The following ZFAT variants were observed in gnomAD, a reference collection of about 807,000 sequenced individuals.
ZFAT encodes the protein zinc finger protein ZFAT.
Under a neutral mutation model 117.7 loss-of-function variants are expected in ZFAT, and 64 were observed. That is an observed-to-expected ratio of 0.54 (90% confidence interval 0.44 to 0.67). The LOEUF is 0.67. Ranked by LOEUF, ZFAT falls within the 30% of genes least tolerant of loss-of-function variation. The pLI, the probability that ZFAT is intolerant of heterozygous loss-of-function variation, is 0.00. For synonymous variants in ZFAT, 679 were observed against 615.0 expected (o/e 1.10, Z -1.54); for missense variants, 1,433 against 1,584.5 (o/e 0.90, Z 1.62).
At chr8:134,701,758 A>G (rs1437274631) in intron 1 of ZFAT, among the ~76,000 whole-genome samples, 1 of 152,212 alleles carries the variant, frequency 6.6e-6, no homozygotes, top group African/African-American at 2.4e-5. Flanking sequence ...TTCATTGCCA[A>G]GTAGTATTCC....
At chr8:134,725,941 A>G in the ZFAT span, among the ~76,000 whole-genome samples, 1 of 152,162 alleles carries the variant, frequency 6.6e-6, no homozygotes, top group African/African-American at 2.4e-5. Context: ...CATTCATTCT[A>G]TCAATGAATT....
intron 1 of ZFAT, among the ~76,000 whole-genome samples, chr8:134,658,744 G>C (rs186023179): frequency 6.6e-6 from 1 of 152,288 alleles, no homozygotes; most frequent in African/African-American, 2.4e-5. Context: ...TTTACATTCA[G>C]ACTGAAAGGA....
At chr8:134,545,721 G>A (rs1230222244) in intron 11 of ZFAT, among the ~76,000 whole-genome samples, 4 of 152,166 alleles carry the variant, frequency 2.6e-5, no homozygotes, top group Non-Finnish European at 5.9e-5. Flanking sequence ...TTGAAGTCGG[G>A]ACAGTGGTGA....
the ZFAT span, among the ~76,000 whole-genome samples, chr8:134,823,842 GATTT>G: frequency 2.0e-5 from 3 of 152,198 alleles, no homozygotes; most frequent in East Asian, 3.9e-4. Context: ...AAATATTTTG[GATTT>G]ATTATACTTC....
intron 8 of ZFAT, 66 bp from the exon 9 acceptor site, chr8:134,588,461 C>G: frequency 6.7e-7 from 1 of 1,483,310 alleles, no homozygotes; most frequent in Middle Eastern, 1.8e-4. Flanking sequence ...ATAAATAAAC[C>G]TCATTGCTAA....
At chr8:134,697,856 C>G (rs1833910797) in intron 1 of ZFAT, among the ~76,000 whole-genome samples, 1 of 147,090 alleles carries the variant, frequency 6.8e-6, no homozygotes, top group Non-Finnish European at 1.5e-5. Context: ...GCTGGGATTA[C>G]AGGCGTGAGC....
At chr8:134,680,194 A>G (rs10087247) in intron 1 of ZFAT, among the ~76,000 whole-genome samples, 134,154 of 149,776 alleles carry the variant, frequency 0.9, 60,316 homozygotes, top group African/African-American at 0.94. Flanking sequence ...CCCTGGAGGC[A>G]GAGATTGCAG....
At chr8:134,825,898 G>A in the ZFAT span, among the ~76,000 whole-genome samples, 2 of 152,090 alleles carry the variant, frequency 1.3e-5, no homozygotes, top group East Asian at 1.9e-4. Flanking sequence ...GCGGGCGCCT[G>A]TAGTCCCAGC....
At chr8:134,708,183 A>C (rs1220036996) in intron 1 of ZFAT, among the ~76,000 whole-genome samples, 1 of 152,218 alleles carries the variant, frequency 6.6e-6, no homozygotes, top group Non-Finnish European at 1.5e-5. Flanking sequence ...CCAGAGCCTG[A>C]AGGTGTAGGA....
intron 5 of ZFAT, 42 bp downstream of exon 5, chr8:134,608,687 A>G: frequency 1.3e-6 from 2 of 1,596,420 alleles, no homozygotes; most frequent in Non-Finnish European, 1.7e-6. Flanking sequence ...GTTCACTCAC[A>G]TGCAACCTCT....
intron 2 of ZFAT, among the ~76,000 whole-genome samples, chr8:134,652,673 C>T (rs1307701567): frequency 2.0e-5 from 3 of 152,168 alleles, no homozygotes; most frequent in Non-Finnish European, 4.4e-5. Context: ...AAACAGTAAA[C>T]ATGGTCAACC....
intron 12 of ZFAT, among the ~76,000 whole-genome samples, chr8:134,530,210 G>T (rs573118492): frequency 6.6e-6 from 1 of 152,294 alleles, no homozygotes; most frequent in Admixed American, 6.5e-5. Flanking sequence ...TGTTTTTTAT[G>T]ATGTTATTTT....
the ZFAT span, among the ~76,000 whole-genome samples, chr8:134,810,041 A>T: frequency 6.6e-6 from 1 of 152,152 alleles, no homozygotes; most frequent in East Asian, 1.9e-4. Context: ...AAAGGCAGAG[A>T]TCCTAAACTC....
At chr8:134,569,414 C>T (rs546863655) in intron 10 of ZFAT, among the ~76,000 whole-genome samples, 20 of 152,062 alleles carry the variant, frequency 1.3e-4, no homozygotes, top group African/African-American at 3.6e-4. Context: ...ATACAATTTC[C>T]GAAATGGAAG....
the ZFAT span, among the ~76,000 whole-genome samples, chr8:134,800,771 G>C: frequency 6.6e-6 from 1 of 152,112 alleles, no homozygotes; most frequent in Non-Finnish European, 1.5e-5. Flanking sequence ...AAGTGAGTTG[G>C]GTGTTTGTTT....
At chr8:134,684,851 G>C (rs767075632) in intron 1 of ZFAT, among the ~76,000 whole-genome samples, 3 of 152,160 alleles carry the variant, frequency 2.0e-5, no homozygotes, top group Non-Finnish European at 2.9e-5. Flanking sequence ...CAAATGTGGG[G>C]GCTGGGTGCG....
chr8:134,677,407 C>A (rs147405716), intron 1 of ZFAT, among the ~76,000 whole-genome samples: 1 of 152,008 alleles, frequency 6.6e-6, no homozygotes, highest in Non-Finnish European at 1.5e-5. Flanking sequence ...AAGTTGAATC[C>A]CTGAATACAC....
At chr8:134,508,851 T>C (rs1819604569) in intron 15 of ZFAT, among the ~76,000 whole-genome samples, 1 of 152,248 alleles carries the variant, frequency 6.6e-6, no homozygotes, top group South Asian at 2.1e-4. Context: ...ATTTCTTCTT[T>C]CTCTGTGAAC....
chr8:134,716,113 A>G (rs559486169), upstream of ZFAT, among the ~76,000 whole-genome samples: 4 of 151,584 alleles, frequency 2.6e-5, no homozygotes, highest in African/African-American at 7.3e-5. Context: ...CTGGGCAGCA[A>G]CAAAGCAAGA....
Sources: gnomAD v4.1 joint callset for allele counts (sites outside exome capture counted in the v4.1 genomes callset) on GRCh38, gnomAD v4.1.1 for gene constraint, MANE v1.5 for transcripts, NCBI Gene and HGNC (gene_info 2026-07-23, HGNC 2026-07-21) for gene names.